TNRC6B: variants seen among roughly 807,000 people sequenced by gnomAD.
The protein encoded by TNRC6B is trinucleotide repeat containing adaptor 6B.
In TNRC6B, 52 loss-of-function variants were observed where a neutral mutation model predicts 203.6. The ratio of observed to expected loss-of-function variants is 0.26; its 90% CI spans 0.20 to 0.32. TNRC6B has a LOEUF of 0.32. Among genes scored for constraint, TNRC6B ranks in the 10% least tolerant of loss-of-function variants. TNRC6B has a pLI of 1.00. For synonymous variants in TNRC6B, 838 were observed against 845.7 expected, an observed-to-expected ratio of 0.99 and a Z score of 0.16; for missense variants, 1,923 against 2,286.2, an observed-to-expected ratio of 0.84 and a Z score of 3.24.
intron 1 of TNRC6B, among the ~76,000 whole-genome samples, chr22:40,061,495 T>C (rs1366522063): frequency 1.3e-5 from 2 of 152,050 alleles, no homozygotes; most frequent in Non-Finnish European, 2.9e-5. Context: ...AGTGCTAGGA[T>C]TGCAGGTGTG....
In TNRC6B at chr22:40,310,881, T is replaced by G. The variant is rs1421744942; in HGVS notation, c.4323T>G (p.Pro1441=). The change falls in exon 17 of 23, where the codon CCT becomes CCG. Residue 1441 remains proline (P), a synonymous_variant. Transcript: ENST00000454349. ...CGTACAACCAGTTTGATATCATCCC[T>G]GGTGACACACTGGGTGGCCATACGG... ...GSPYNQFDII[P]GDTLGGHTGP... is the part of the protein sequence containing the mutation. 1.2e-6 allele frequency: 2 copies of G among 1,612,490 alleles called. No homozygotes were observed. Among genetic ancestry groups the G allele is most frequent in the Non-Finnish European group, 1.7e-6 (2 of 1,179,442 alleles).
At chr22:40,206,255 A>AT (rs2069476560) in intron 1 of TNRC6B, among the ~76,000 whole-genome samples, 1 of 152,188 alleles carries the variant, frequency 6.6e-6, no homozygotes, top group African/African-American at 2.4e-5. Flanking sequence ...TAAGTATATG[A>AT]TTGGGTACTG....
intron 3 of TNRC6B, among the ~76,000 whole-genome samples, chr22:40,145,067 CAAAA>C (rs768152120): frequency 1.0e-5 from 1 of 96,120 alleles, no homozygotes; most frequent in Admixed American, 1.1e-4. Context: ...TCTAGCTCCA[CAAAA>C]AAAAAAAAAA....
intron 12 of TNRC6B, among the ~76,000 whole-genome samples, chr22:40,291,230 C>A (rs2070865666): frequency 1.3e-5 from 2 of 151,922 alleles, no homozygotes; most frequent in Admixed American, 1.3e-4. Context: ...AACAGAAATA[C>A]AAAAAATTAG....
chr22:40,231,051 C>CTA (rs1323732439), intron 1 of TNRC6B, among the ~76,000 whole-genome samples: 123 of 151,768 alleles, frequency 8.1e-4, no homozygotes, highest in African/African-American at 2.3e-3. Context: ...GTCTCTCTCT[C>CTA]TCTATATATA....
chr22:40,165,094 CTT>C (rs764182245), intron 4 of TNRC6B, among the ~76,000 whole-genome samples: 46 of 130,730 alleles, frequency 3.5e-4, no homozygotes, highest in Non-Finnish European at 3.3e-4. Flanking sequence ...CCCCCCGGCT[CTT>C]TTTTTTTTTT....
chr22:40,281,394 C>G, intron 11 of TNRC6B, 105 bp downstream of exon 11: 2 of 933,522 alleles, frequency 2.1e-6, no homozygotes, highest in Non-Finnish European at 3.0e-6. Flanking sequence ...TTGTTGATTA[C>G]TGAATGCACA....
chr22:40,309,275 GTTTGTTTCATT>G (rs2146561113), intron 16 of TNRC6B, among the ~76,000 whole-genome samples: 2 of 152,304 alleles, frequency 1.3e-5, no homozygotes, highest in South Asian at 4.1e-4. Flanking sequence ...TTGTTTCAGT[GTTTGTTTCATT>G]TGACAGTAAT....
intron 3 of TNRC6B, among the ~76,000 whole-genome samples, chr22:40,253,231 G>A (rs1375305983): frequency 2.0e-5 from 3 of 150,176 alleles, no homozygotes; most frequent in Non-Finnish European, 3.0e-5. Context: ...ACAGGCACCC[G>A]CCACCATGCC....
intron 1 of TNRC6B, among the ~76,000 whole-genome samples, chr22:40,235,613 G>A (rs5757885): frequency 0.33 from 49,483 of 152,086 alleles, 9,665 homozygotes; most frequent in East Asian, 0.57. Context: ...ATACTACCAC[G>A]AAGTGAGATA....
chr22:40,214,549 G>GT lies in TNRC6B; in HGVS notation c.6-31455dup, dbSNP rs71735740. ...ATTCCTTGCCTTCTTTCTTTCTGTG[G>GT]TTTTTTTTTTTATTTTGGACAGAGT... On this transcript the variant is annotated intron_variant, in intron 1 of 22. Coordinates refer to ENST00000454349, the MANE Select transcript of TNRC6B (RefSeq NM_001162501.2). 3.6e-3 allele frequency among the ~76,000 whole-genome samples: 528 copies of GT among 148,216 alleles called. 5 individuals carry two copies. Among genetic ancestry groups the GT allele is most frequent in the African/African-American group, 0.011 (442 of 40,368 alleles).
At chr22:40,192,754 G>A (rs563653828) in intron 1 of TNRC6B, among the ~76,000 whole-genome samples, 14 of 152,222 alleles carry the variant, frequency 9.2e-5, no homozygotes, top group East Asian at 1.9e-4. Context: ...TGGGGTAGGC[G>A]GTCAGTGGGT....
At chr22:40,322,183 C>G (rs2071343158) in intron 22 of TNRC6B, among the ~76,000 whole-genome samples, 1 of 152,188 alleles carries the variant, frequency 6.6e-6, no homozygotes, top group South Asian at 2.1e-4. Flanking sequence ...ATTTTTCTTT[C>G]CTTTTTATCT....
chr22:40,239,258 A>G (rs910750912), intron 1 of TNRC6B, among the ~76,000 whole-genome samples: 3 of 152,314 alleles, frequency 2.0e-5, no homozygotes, highest in African/African-American at 7.2e-5. Flanking sequence ...TGTTAAAGGA[A>G]TGAGTCAGTT....
Position 40,205,027 on chromosome 22 carries a change from G to A in TNRC6B, c.5+26887G>A, listed in dbSNP as rs537669904. On this transcript the variant is annotated intron_variant, in intron 1 of 22. Transcript: ENST00000454349. ...TTTGAAGACAGTATACAACTATGTA[G>A]CTAAGAGCAGTTTGCCTAACATATG... 3.3e-5 allele frequency among the ~76,000 whole-genome samples: 5 copies of A among 152,282 alleles called. No individual in the cohort carries two copies. The South Asian group carries it at 1.0e-3, about 32-fold the overall frequency.
intron 1 of TNRC6B, among the ~76,000 whole-genome samples, chr22:40,195,915 G>A (rs1270283670): frequency 5.3e-5 from 8 of 151,910 alleles, no homozygotes; most frequent in East Asian, 1.9e-4. Context: ...GACTACAGGC[G>A]CCCGCCACCA....
At chr22:40,259,212 A>C (rs912160166) in intron 3 of TNRC6B, among the ~76,000 whole-genome samples, 4 of 152,110 alleles carry the variant, frequency 2.6e-5, no homozygotes, top group Non-Finnish European at 5.9e-5. Context: ...TGAATATTAG[A>C]TAATGACTAA....
At chr22:40,075,156 A>ATTTTTTTTTTTTTTTT (rs58240994) in intron 1 of TNRC6B, among the ~76,000 whole-genome samples, 18 of 35,554 alleles carry the variant, frequency 5.1e-4, no homozygotes, top group Non-Finnish European at 7.3e-4. Context: ...ATATATATAT[A>ATTTTTTTTTTTTTTTT]TTTTTTTTTT....
chr22:40,048,925 C>T (rs1425475924), intron 1 of TNRC6B, among the ~76,000 whole-genome samples: 1 of 152,064 alleles, frequency 6.6e-6, no homozygotes, highest in Non-Finnish European at 1.5e-5. Flanking sequence ...ACCACAACCT[C>T]TGCCCCGCTC....
Sources: gnomAD v4.1 joint callset for allele counts (sites outside exome capture counted in the v4.1 genomes callset) on GRCh38, gnomAD v4.1.1 for gene constraint, MANE v1.5 for transcripts, NCBI Gene and HGNC (gene_info 2026-07-23, HGNC 2026-07-21) for gene names.